LARGE1: variants seen among roughly 807,000 people sequenced by gnomAD.
LARGE1 encodes the protein xylosyl- and glucuronyltransferase LARGE1.
In LARGE1, 43 loss-of-function variants were observed where a neutral mutation model predicts 87.6. That is an observed-to-expected ratio of 0.49 (90% confidence interval 0.38 to 0.63). The LOEUF is 0.63. LARGE1 is among the 30% of genes least tolerant of loss of function. LARGE1 has a pLI of 0.00. For missense variants in LARGE1, 802 were observed against 1,000.2 expected (o/e 0.80, Z 2.67); for synonymous variants, 434 against 394.6 (o/e 1.10, Z -1.18).
At chr22:33,689,967 T>C (rs1439589399) in intron 2 of LARGE1, among the ~76,000 whole-genome samples, 1 of 152,056 alleles carries the variant, frequency 6.6e-6, no homozygotes, top group Non-Finnish European at 1.5e-5. Context: ...ATAACTAATC[T>C]TGTAGATACT....
At chr22:33,284,142 C>A (rs1931060853) in intron 12 of LARGE1, among the ~76,000 whole-genome samples, 1 of 152,106 alleles carries the variant, frequency 6.6e-6, no homozygotes, top group Admixed American at 6.5e-5. Flanking sequence ...GCCAGCCAGG[C>A]ACAGAAGGAA....
intron 12 of LARGE1, among the ~76,000 whole-genome samples, chr22:33,302,353 T>G (rs1934261981): frequency 6.6e-6 from 1 of 152,140 alleles, no homozygotes; most frequent in Non-Finnish European, 1.5e-5. Context: ...CATTCCCGAT[T>G]CAGGGTCATG....
At position 33,707,297 on chromosome 22, in the gene LARGE1, T is replaced by C. The variant is rs141168607; in HGVS notation, c.106+54074A>G. Among the ~76,000 whole-genome samples the C allele has an allele frequency of 1.5e-3, 228 of 152,288 alleles. 1 individual carries two copies. The highest frequency in any genetic ancestry group is 5.1e-3 in the African/African-American group (210 of 41,572). On this transcript the variant is annotated intron_variant, in intron 2 of 14. Coordinates refer to ENST00000397394, the MANE Select transcript of LARGE1 (RefSeq NM_133642.5). ...AGCAGGCCCATCATTTTACTGTGAGTCCATTAGTAAAATACAGGGAGTATC... is the reference window on the plus strand; with the variant it reads ...AGCAGGCCCATCATTTTACTGTGAGCCCATTAGTAAAATACAGGGAGTATC...
intron 2 of LARGE1, among the ~76,000 whole-genome samples, chr22:33,684,767 C>A (rs2081896051): frequency 6.6e-6 from 1 of 152,192 alleles, no homozygotes; most frequent in African/African-American, 2.4e-5. Flanking sequence ...GTGCTTCTTA[C>A]AGCGATGGCC....
rs2157198 is a variant in LARGE1 at position 33,337,954 on chromosome 22, G to A, written c.1132-153C>T. ...CATTTTGGCAGAGTGGTTAAGGGTA[G>A]GGGCTCGGGGGCCAGGTCACCTGGG... On this transcript the variant is annotated intron_variant, in intron 9 of 14. Transcript: ENST00000397394. Among the ~76,000 whole-genome samples, 20,019 of 152,172 alleles carry A rather than the reference G, an allele frequency of 0.13. 2,726 individuals are homozygous for A. The highest frequency in any genetic ancestry group is 0.35 in the African/African-American group (14,621 of 41,470).
chr22:33,443,538 T>G (rs1204514486), intron 6 of LARGE1, among the ~76,000 whole-genome samples: 1 of 152,086 alleles, frequency 6.6e-6, no homozygotes, highest in Non-Finnish European at 1.5e-5. Context: ...CCTAGTACAT[T>G]GAGCTGAGAG....
chr22:33,661,817 T>C (rs1287636384), intron 2 of LARGE1, among the ~76,000 whole-genome samples: 1 of 152,108 alleles, frequency 6.6e-6, no homozygotes, highest in East Asian at 1.9e-4. Context: ...TGCATCAGAA[T>C]TGAACTATGG....
chr22:33,140,887 A>T, the LARGE1 span, among the ~76,000 whole-genome samples: 1 of 152,116 alleles, frequency 6.6e-6, no homozygotes, highest in Non-Finnish European at 1.5e-5. Context: ...TCATATATAC[A>T]TCTACCCTAT....
chr22:33,431,137 T>C (rs534153716), intron 7 of LARGE1, among the ~76,000 whole-genome samples: 5 of 152,218 alleles, frequency 3.3e-5, no homozygotes, highest in Admixed American at 2.6e-4. Context: ...GCAATGAGGA[T>C]GGAGGAGGGA....
At chr22:33,310,673 T>C (rs1432832152) in intron 11 of LARGE1, among the ~76,000 whole-genome samples, 1 of 152,166 alleles carries the variant, frequency 6.6e-6, no homozygotes, top group Non-Finnish European at 1.5e-5. Context: ...CAGGCACCAG[T>C]CCGCGTGCTG....
intron 2 of LARGE1, among the ~76,000 whole-genome samples, chr22:33,689,710 A>ACGT (rs2149332186): frequency 6.6e-6 from 1 of 152,196 alleles, no homozygotes; most frequent in Non-Finnish European, 1.5e-5. Flanking sequence ...GTGGATCACG[A>ACGT]GGTCAGGGGT....
intron 6 of LARGE1, among the ~76,000 whole-genome samples, chr22:33,530,408 A>G (rs958511655): frequency 6.6e-6 from 1 of 151,358 alleles, no homozygotes; most frequent in African/African-American, 2.4e-5. Flanking sequence ...CGTTAAGAAA[A>G]CTCACTGAAA....
chr22:33,403,314 G>T (rs757620517), intron 7 of LARGE1, among the ~76,000 whole-genome samples: 2 of 152,112 alleles, frequency 1.3e-5, no homozygotes, highest in African/African-American at 4.8e-5. Context: ...ATTTCCTCTG[G>T]ATCTCAACAA....
intron 4 of LARGE1, among the ~76,000 whole-genome samples, chr22:33,613,446 G>C (rs558232114): frequency 6.6e-6 from 1 of 152,142 alleles, no homozygotes; most frequent in Admixed American, 6.5e-5. Context: ...CATCCCACAG[G>C]TCCCTGGGAA....
chr22:33,859,145 A>G (rs2063840979), intron 1 of LARGE1, among the ~76,000 whole-genome samples: 2 of 152,162 alleles, frequency 1.3e-5, no homozygotes, highest in African/African-American at 4.8e-5. Flanking sequence ...CCTATGTAAC[A>G]TAACTGCACG....
At chr22:33,336,222 A>G (rs571477889) in intron 10 of LARGE1, among the ~76,000 whole-genome samples, 2 of 152,252 alleles carry the variant, frequency 1.3e-5, no homozygotes, top group East Asian at 3.9e-4. Flanking sequence ...GTTGTTTTTG[A>G]GAGAGTCTCA....
At chr22:33,210,440 G>A (rs1924903283) in intron 11 of LARGE1, among the ~76,000 whole-genome samples, 1 of 152,248 alleles carries the variant, frequency 6.6e-6, no homozygotes, top group South Asian at 2.1e-4. Context: ...GCTCAGCCAT[G>A]GTCTCCTGTC....
At chr22:33,799,860 C>T (rs2086105520) in intron 1 of LARGE1, among the ~76,000 whole-genome samples, 1 of 152,072 alleles carries the variant, frequency 6.6e-6, no homozygotes, top group Non-Finnish European at 1.5e-5. Flanking sequence ...AAATACAGAC[C>T]TCTCCATAGA....
chr22:33,219,572 A>C (rs369740228), intron 11 of LARGE1, among the ~76,000 whole-genome samples: 1 of 152,238 alleles, frequency 6.6e-6, no homozygotes, highest in Non-Finnish European at 1.5e-5. Flanking sequence ...AGGTGAATGA[A>C]CAAAAGTGTG....
Sources: allele counts gnomAD v4.1 joint callset (sites outside exome capture counted in the v4.1 genomes callset), GRCh38; gene constraint gnomAD v4.1.1; transcripts MANE v1.5; gene names NCBI Gene and HGNC (gene_info 2026-07-23, HGNC 2026-07-21).